The following PDPR variants were observed in gnomAD, a reference collection of about 807,000 sequenced individuals.
The protein encoded by PDPR is pyruvate dehydrogenase phosphatase regulatory subunit, mitochondrial.
In PDPR, 50 loss-of-function variants were observed where a neutral mutation model predicts 102.2. That is an observed-to-expected ratio of 0.49 (90% CI 0.39 to 0.62). The LOEUF is 0.62. Ranked by LOEUF, PDPR falls within the 20% of genes least tolerant of loss-of-function variation. The pLI is 0.00. For synonymous variants in PDPR, 259 were observed against 406.0 expected (o/e 0.64, Z 4.35); for missense variants, 625 against 1,098.2 (o/e 0.57, Z 6.09).
At chr16:70,118,450 C>G (rs1962879628) in intron 2 of PDPR, among the ~76,000 whole-genome samples, 1 of 152,198 alleles carries the variant, frequency 6.6e-6, no homozygotes, top group Non-Finnish European at 1.5e-5. Flanking sequence ...CCTAAGCCAC[C>G]AAGGAGCAGG....
At chr16:70,141,821 C>G (rs1426845590) in intron 11 of PDPR, among the ~76,000 whole-genome samples, 1 of 152,264 alleles carries the variant, frequency 6.6e-6, no homozygotes. Flanking sequence ...GAAATTGGGC[C>G]GGGCAGAGTG....
chr16:70,156,461 C>T lies in PDPR; in HGVS notation c.2236-14C>T. ...AGTGTCGCTGGATGACTCGGCGTTT[C>T]CTTTCTTTCTTAGGGCATGGATTTC... On this transcript the variant is annotated splice_polypyrimidine_tract_variant and intron_variant, in intron 18 of 18. Coordinates refer to ENST00000288050, the MANE Select transcript of PDPR (RefSeq NM_017990.5). The T allele has an allele frequency of 6.2e-7, 1 of 1,604,352 alleles. No individual in the cohort carries two copies. Among genetic ancestry groups the T allele is most frequent in the Middle Eastern group, 1.7e-4 (1 of 5,984 alleles).
intron 18 of PDPR, among the ~76,000 whole-genome samples, chr16:70,155,879 T>G (rs964942587): frequency 4.6e-5 from 7 of 151,220 alleles, no homozygotes; most frequent in South Asian, 2.1e-4. Flanking sequence ...CTTGGCTCAC[T>G]GCAGCCTCTG....
chr16:70,120,287 T>TG, intron 2 of PDPR, 174 bp from the exon 3 acceptor site: 1 of 525,808 alleles, frequency 1.9e-6, no homozygotes. Context: ...CCTGACCTCG[T>TG]GATCCGCCCG....
intron 9 of PDPR, among the ~76,000 whole-genome samples, chr16:70,133,280 C>G (rs1264244699): frequency 3.9e-5 from 6 of 151,948 alleles, no homozygotes; most frequent in African/African-American, 1.5e-4. Context: ...TGCCACCACT[C>G]CCGACTAATT....
chr16:70,117,717 A>C (rs1419794780), intron 2 of PDPR, among the ~76,000 whole-genome samples: 10 of 152,278 alleles, frequency 6.6e-5, no homozygotes, highest in Admixed American at 3.9e-4. Context: ...GGAAAGGAGA[A>C]ATGAGACCAC....
chr16:70,125,788 C>A (rs1172344555), intron 3 of PDPR, among the ~76,000 whole-genome samples: 2 of 152,154 alleles, frequency 1.3e-5, no homozygotes, highest in Non-Finnish European at 2.9e-5. Context: ...CGCCTGCCAC[C>A]ATGCCCGGCT....
At chr16:70,145,401 G>T (rs1333717008) in intron 15 of PDPR, among the ~76,000 whole-genome samples, 1 of 152,256 alleles carries the variant, frequency 6.6e-6, no homozygotes, top group African/African-American at 2.4e-5. Flanking sequence ...CTCCCAAAGT[G>T]CTGGGATTAC....
intron 7 of PDPR, 149 bp downstream of exon 7, chr16:70,130,693 A>G (rs1425560149): frequency 6.5e-5 from 69 of 1,063,348 alleles, no homozygotes; most frequent in Non-Finnish European, 8.6e-5. Context: ...AGAAACCTAC[A>G]CTTAGTCTGC....
chr16:70,120,180 G>C, intron 2 of PDPR: 1 of 305,282 alleles, frequency 3.3e-6, no homozygotes, highest in East Asian at 8.4e-5. Context: ...CTCCCAAAGT[G>C]CTGGGATTAC....
intron 9 of PDPR, among the ~76,000 whole-genome samples, chr16:70,135,789 C>T (rs542283018): frequency 9.8e-5 from 15 of 152,366 alleles, no homozygotes; most frequent in East Asian, 3.9e-4. Flanking sequence ...CTCTTCCAGC[C>T]GGACGCAGTG....
At chr16:70,141,024 T>C (rs1965657613) in intron 11 of PDPR, among the ~76,000 whole-genome samples, 1 of 152,230 alleles carries the variant, frequency 6.6e-6, no homozygotes, top group East Asian at 1.9e-4. Flanking sequence ...TTTTTTTACT[T>C]ATTGCTGTTG....
intron 2 of PDPR, among the ~76,000 whole-genome samples, chr16:70,117,386 T>C (rs9302611): frequency 0.83 from 117,056 of 140,762 alleles, 49,046 homozygotes; most frequent in East Asian, 0.96. Flanking sequence ...GGCATGGTGG[T>C]GGGTGCCTGT....
intron 3 of PDPR, among the ~76,000 whole-genome samples, chr16:70,126,307 G>A (rs1350623213): frequency 2.6e-5 from 4 of 152,252 alleles, no homozygotes; most frequent in Admixed American, 1.3e-4. Flanking sequence ...AAACTTTTGG[G>A]ATCAAGGGAT....
At chr16:70,131,649 T>A (rs1964548510) in intron 8 of PDPR, 1 of 981,178 alleles carries the variant, frequency 1.0e-6, no homozygotes, top group Non-Finnish European at 1.2e-6. Context: ...TGCAAGCTAA[T>A]TTTAGTCCTA....
chr16:70,140,451 G>A (rs1396792267), intron 11 of PDPR, among the ~76,000 whole-genome samples: 2 of 152,258 alleles, frequency 1.3e-5, no homozygotes, highest in Non-Finnish European at 2.9e-5. Flanking sequence ...TCATAATTGA[G>A]CTTGAGCTTC....
chr16:70,143,728 C>T, intron 14 of PDPR, 70 bp downstream of exon 14: 1 of 1,534,058 alleles, frequency 6.5e-7, no homozygotes. Flanking sequence ...GTAGCAGAGG[C>T]TCTCAGGCGC....
At chr16:70,153,658 A>C in intron 18 of PDPR, 85 bp downstream of exon 18, 1 of 1,373,994 alleles carries the variant, frequency 7.3e-7, no homozygotes, top group Non-Finnish European at 9.8e-7. Context: ...CTGATGTGAC[A>C]GGAAAAGGGG....
At chr16:70,156,088 C>T (rs1967145628) in intron 18 of PDPR, among the ~76,000 whole-genome samples, 1 of 152,108 alleles carries the variant, frequency 6.6e-6, no homozygotes, top group South Asian at 2.1e-4. Flanking sequence ...TGAGGTTTGC[C>T]TCATCTCTGT....
Sources: gnomAD v4.1 joint callset for allele counts (sites outside exome capture counted in the v4.1 genomes callset) on GRCh38, gnomAD v4.1.1 for gene constraint, MANE v1.5 for transcripts, NCBI Gene and HGNC (gene_info 2026-07-23, HGNC 2026-07-21) for gene names.